Variants in CCDC197 observed in about 807,000 individuals in gnomAD.
CCDC197 encodes the protein uncharacterized protein CCDC197.
A neutral mutation model predicts 13.4 loss-of-function variants in CCDC197; 24 were observed. The ratio of observed to expected loss-of-function variants is 1.80; its 90% CI spans 1.30 to 2.53. CCDC197 has a LOEUF of 2.53. Ranked by LOEUF, CCDC197 falls within the 30% of genes most tolerant of loss-of-function variation. CCDC197 has a pLI of 0.00. For missense variants in CCDC197, 255 were observed against 148.8 expected, an observed-to-expected ratio of 1.71 and a Z score of -3.71; for synonymous variants, 99 against 55.5, an observed-to-expected ratio of 1.78 and a Z score of -3.48.
Position 94,001,266 on chromosome 14 carries a change from C to T in CCDC197, c.309C>T (p.Ile103=), listed in dbSNP as rs1412515307. The part of the protein sequence containing the change: ...QKRLEAFCQM[I]QAVHRSLESL... ...GCCTCGAGGCCTTCTGCCAGATGAT[C>T]CAGGCTGTCCACCGGAGCCTGGAGT... The change falls in exon 4 of 7, where the codon ATC becomes ATT. Residue 103 remains isoleucine (I), a synonymous_variant. Transcript: ENST00000636493. 1.3e-6 allele frequency: 1 copy of T among 780,774 alleles called. No homozygotes were observed. Among genetic ancestry groups the T allele is most frequent in the Middle Eastern group, 2.3e-4 (1 of 4,440 alleles). The allele number at this position is 780,774 out of a possible 1,614,324, so 48.4% of individuals were successfully genotyped here. A position where few individuals can be genotyped will look rare whatever the true frequency, so the allele number is the denominator to read the frequency against.
At chr14:94,006,248 G>A (rs965600111) in intron 6 of CCDC197, among the ~76,000 whole-genome samples, 1 of 152,160 alleles carries the variant, frequency 6.6e-6, no homozygotes. Flanking sequence ...CTTCTCTGAT[G>A]ACTAATGATG....
intron 1 of CCDC197, among the ~76,000 whole-genome samples, chr14:93,988,373 G>C (rs1890139851): frequency 9.3e-6 from 1 of 107,928 alleles, no homozygotes; most frequent in East Asian, 2.8e-4. Flanking sequence ...GCATGGGAGA[G>C]AGGACAAGAG....
chr14:93,999,573 G>A lies in CCDC197; in HGVS notation c.105-10G>A, dbSNP rs45593735. On this transcript the variant is annotated splice_polypyrimidine_tract_variant and intron_variant, in intron 2 of 6. Transcript: ENST00000636493. ...GCCTCCAGGCCATGTTCCTGCATCTGGCTCTACAGGCAGAAGAAGCTCAAG... is the reference window on the plus strand; with the variant it reads ...GCCTCCAGGCCATGTTCCTGCATCTAGCTCTACAGGCAGAAGAAGCTCAAG... The A allele has an allele frequency of 1.4e-3, 1,097 of 780,822 alleles. 2 individuals carry two copies. The highest frequency in any genetic ancestry group is 2.1e-3 in the South Asian group (158 of 74,620). 48.4% of individuals were successfully genotyped at this position (780,822 alleles called of 1,614,324 possible).
rs1438513002 is a variant in CCDC197 at position 93,998,140 on chromosome 14, C to T, written c.9C>T (p.Ala3=). 10 of 780,630 alleles carry T rather than the reference C, an allele frequency of 1.3e-5. No homozygotes were observed. The highest frequency in any genetic ancestry group is 2.2e-5 in the Non-Finnish European group (9 of 418,132). The allele number at this position is 780,630 out of a possible 1,614,324, so 48.4% of individuals were successfully genotyped here. The stretch of plus-strand genomic sequence containing the variant: ...CTTGCGGTGGTGAGGTGATGGCAGC[C>T]ATGGACACAGGCCAGAGAGCTGACC... MA[A]MDTGQRADPS... is the part of the protein sequence containing the mutation. Residue 3 remains alanine, a synonymous_variant, in exon 2 of 7, where the codon GCC becomes GCT. Coordinates refer to ENST00000636493, the MANE Select transcript of CCDC197 (RefSeq NM_001351596.2).
At chr14:93,999,781 A>T in intron 3 of CCDC197, 116 bp downstream of exon 3, 1 of 690,012 alleles carries the variant, frequency 1.4e-6, no homozygotes. Flanking sequence ...ACAGAATGGG[A>T]ATCCACAAAG....
chr14:94,009,816 G>A (rs1287239331), downstream of CCDC197, among the ~76,000 whole-genome samples: 14 of 152,214 alleles, frequency 9.2e-5, no homozygotes, highest in South Asian at 1.2e-3. Flanking sequence ...AGCCAGGTCT[G>A]CACAGAAGGC....
Position 94,004,844 on chromosome 14 carries a change from C to G in CCDC197, c.499-11C>G. On this transcript the variant is annotated splice_polypyrimidine_tract_variant and intron_variant, in intron 5 of 6. Coordinates refer to ENST00000636493, the MANE Select transcript of CCDC197 (RefSeq NM_001351596.2). ...GCCTGAGCCACCACCTCCTCCTTCT[C>G]TTTCCTGCAGGATCAGCTGCTCGGC... 3 of 702,802 alleles carry G rather than the reference C, an allele frequency of 4.3e-6. No individual in the cohort carries two copies. Among genetic ancestry groups the G allele is most frequent in the Non-Finnish European group, 7.8e-6 (3 of 384,842 alleles). 43.5% of individuals were successfully genotyped at this position (702,802 alleles called of 1,614,324 possible).
upstream of CCDC197, among the ~76,000 whole-genome samples, chr14:93,995,066 A>G (rs1567040694): frequency 1.3e-5 from 2 of 152,186 alleles, no homozygotes; most frequent in South Asian, 2.1e-4. Flanking sequence ...ATGAAGATGA[A>G]TGAACCCCTG....
chr14:93,999,122 C>T (rs1008698259), intron 2 of CCDC197, among the ~76,000 whole-genome samples: 6 of 152,200 alleles, frequency 3.9e-5, no homozygotes, highest in Non-Finnish European at 7.4e-5. Flanking sequence ...GGAGTGCCCC[C>T]AAGGCACTGG....
chr14:94,001,448 C>T (rs1890505837), intron 4 of CCDC197, 125 bp downstream of exon 4: 2 of 551,378 alleles, frequency 3.6e-6, no homozygotes, highest in Non-Finnish European at 6.5e-6. Context: ...GGGGGGCCCT[C>T]GGTGGGGCTG....
At chr14:94,000,071 TTAAC>T (rs1214072544) in intron 3 of CCDC197, among the ~76,000 whole-genome samples, 5 of 152,240 alleles carry the variant, frequency 3.3e-5, no homozygotes, top group African/African-American at 1.2e-4. Context: ...GTTGCTATTA[TTAAC>T]TAAGAGTATA....
At chr14:94,005,908 C>T (rs112356862) in intron 6 of CCDC197, among the ~76,000 whole-genome samples, 2 of 152,124 alleles carry the variant, frequency 1.3e-5, no homozygotes, top group African/African-American at 4.8e-5. Flanking sequence ...CATCAGTTGA[C>T]GGACATCTGG....
At chr14:93,999,474 C>T (rs1890422742) in intron 2 of CCDC197, 109 bp from the exon 3 acceptor site, 1 of 719,274 alleles carries the variant, frequency 1.4e-6, no homozygotes. Context: ...CGTGGCCGGC[C>T]CAGTGCACGT....
In CCDC197 at chr14:94,008,686, C is replaced by T. The variant is rs1890752757; in HGVS notation, c.693C>T (p.Asp231=). ...AACCCAAAGTGTGCTGGTCATGGGA[C>T]AGCTTCGGGGACCAGTGGCTCAGAA... ...LTEPKVCWSW[D]SFGDQWLRRH... is the part of the protein sequence containing the mutation. Residue 231 remains aspartate, a synonymous_variant, in exon 7 of 7, where the codon GAC becomes GAT. Coordinates refer to ENST00000636493, the MANE Select transcript of CCDC197 (RefSeq NM_001351596.2). 3 of 702,910 alleles carry T rather than the reference C, an allele frequency of 4.3e-6. No homozygotes were observed. Among genetic ancestry groups the T allele is most frequent in the Non-Finnish European group, 7.8e-6 (3 of 385,024 alleles). 43.5% of individuals were successfully genotyped at this position (702,910 alleles called of 1,614,324 possible). A position where few individuals can be genotyped will look rare whatever the true frequency, so the allele number is the denominator to read the frequency against.
intron 1 of CCDC197, among the ~76,000 whole-genome samples, chr14:93,990,350 CCTT>C (rs1890187412): frequency 6.6e-6 from 1 of 152,196 alleles, no homozygotes; most frequent in Non-Finnish European, 1.5e-5. Context: ...TGGTCTTCCT[CCTT>C]CTTCACTTCA....
At chr14:93,996,045 C>A (rs1191023863), upstream of CCDC197, among the ~76,000 whole-genome samples, 1 of 152,198 alleles carries the variant, frequency 6.6e-6, no homozygotes, top group Non-Finnish European at 1.5e-5. Flanking sequence ...CCCTTCCCAC[C>A]TTCTCCTTTC....
chr14:94,002,503 G>T (rs1331273447), intron 4 of CCDC197, among the ~76,000 whole-genome samples: 2 of 152,068 alleles, frequency 1.3e-5, no homozygotes, highest in Non-Finnish European at 2.9e-5. Context: ...CCAGGGGCAT[G>T]TATTAGTTCC....
chr14:94,001,015 G>C (rs1362148968), intron 3 of CCDC197, 130 bp from the exon 4 acceptor site: 4 of 574,554 alleles, frequency 7.0e-6, no homozygotes, highest in Non-Finnish European at 1.3e-5. Context: ...TACTGTCTGG[G>C]GTCATCCTAC....
At chr14:93,999,513 A>G (rs1236876746) in intron 2 of CCDC197, 70 bp from the exon 3 acceptor site, 1 of 771,080 alleles carries the variant, frequency 1.3e-6, no homozygotes, top group Non-Finnish European at 2.4e-6. Flanking sequence ...AGGGTGGTCC[A>G]GGTTCATTCA....
Sources: gnomAD v4.1 joint callset for allele counts (sites outside exome capture counted in the v4.1 genomes callset) on GRCh38, gnomAD v4.1.1 for gene constraint, MANE v1.5 for transcripts, NCBI Gene and HGNC (gene_info 2026-07-23, HGNC 2026-07-21) for gene names.